The following SND1 variants were observed in gnomAD, a reference collection of about 807,000 sequenced individuals.
The protein encoded by SND1 is staphylococcal nuclease and tudor domain containing 1.
Under a neutral mutation model 121.7 loss-of-function variants are expected in SND1, and 38 were observed. That is an observed-to-expected ratio of 0.31 (90% confidence interval 0.24 to 0.41). SND1 has a LOEUF of 0.41. SND1 is among the 10% of genes least tolerant of loss of function. The probability of loss-of-function intolerance (pLI) is 1.00; values close to 1 mark genes in which losing one functional copy is unlikely to be tolerated. For missense variants in SND1, 868 were observed against 1,184.6 expected (o/e 0.73, Z 3.92); for synonymous variants, 401 against 447.4 (o/e 0.90, Z 1.31).
intron 6 of SND1, 127 bp downstream of exon 6, chr7:127,702,653 C>A: frequency 1.4e-6 from 1 of 725,430 alleles, no homozygotes; most frequent in Non-Finnish European, 2.5e-6. Context: ...TGACTTTATA[C>A]TTGTTTTAGT....
chr7:127,772,042 C>G (rs1797521314), intron 10 of SND1, among the ~76,000 whole-genome samples: 1 of 152,102 alleles, frequency 6.6e-6, no homozygotes, highest in Non-Finnish European at 1.5e-5. Context: ...AGAAAAGACG[C>G]TAATTTAAAT....
chr7:128,028,833 T>C (rs1792481114), intron 16 of SND1: 1 of 1,614,174 alleles, frequency 6.2e-7, no homozygotes, highest in Non-Finnish European at 8.5e-7. Context: ...GTTAATATGG[T>C]CATGAATTGT....
chr7:128,071,162 C>T (rs903819445), intron 16 of SND1, among the ~76,000 whole-genome samples: 2 of 152,158 alleles, frequency 1.3e-5, no homozygotes, highest in African/African-American at 4.8e-5. Context: ...GGAGAAGATA[C>T]ATGTGTTAGA....
chr7:128,024,586 A>T (rs1166987431), intron 16 of SND1, among the ~76,000 whole-genome samples: 5 of 152,156 alleles, frequency 3.3e-5, no homozygotes, highest in South Asian at 4.1e-4. Flanking sequence ...CAACAATAGG[A>T]ATTGTCTTGC....
chr7:127,806,007 T>C (rs1798232064), intron 10 of SND1, among the ~76,000 whole-genome samples: 1 of 152,232 alleles, frequency 6.6e-6, no homozygotes, highest in Non-Finnish European at 1.5e-5. Context: ...TTGGAGCTAC[T>C]TAAATCTAAC....
At chr7:128,090,117 CCAGAAAGACTGCCA>C (rs1297033976) in intron 22 of SND1, among the ~76,000 whole-genome samples, 2 of 152,120 alleles carry the variant, frequency 1.3e-5, no homozygotes, top group African/African-American at 4.8e-5. Context: ...ACCAAAGGGC[CCAGAAAGACTGCCA>C]CACAACCCTC....
chr7:127,864,129 A>G (rs943769605), intron 12 of SND1, among the ~76,000 whole-genome samples: 1 of 151,630 alleles, frequency 6.6e-6, no homozygotes, highest in African/African-American at 2.4e-5. Context: ...GATTAGTTAG[A>G]TATTTAGGAT....
Position 127,799,940 on chromosome 7 carries a change from C to T in SND1, c.1153-7544C>T, listed in dbSNP as rs1798098045. On this transcript the variant is annotated intron_variant, in intron 10 of 23. Coordinates refer to ENST00000354725, the MANE Select transcript of SND1 (RefSeq NM_014390.4). ...TACCTTCTATTCGGCCAGGTGGTCA[C>T]AATTTTAAACCTTCCTCCTGCTGCT... 2.6e-5 allele frequency among the ~76,000 whole-genome samples: 4 copies of T among 152,140 alleles called. No individual in the cohort carries two copies. In the South Asian group the frequency reaches 8.3e-4, roughly 32 times the overall value.
chr7:127,941,568 G>C (rs1801202100), intron 15 of SND1, among the ~76,000 whole-genome samples: 1 of 152,106 alleles, frequency 6.6e-6, no homozygotes, highest in Non-Finnish European at 1.5e-5. Context: ...TTTTTCTAGG[G>C]TTAATTTGGG....
chr7:127,754,467 G>A (rs1797158698), intron 10 of SND1, among the ~76,000 whole-genome samples: 1 of 152,200 alleles, frequency 6.6e-6, no homozygotes, highest in African/African-American at 2.4e-5. Flanking sequence ...GTCCATAATA[G>A]GTAGGCTGTG....
chr7:128,075,682 G>A (rs998357237), intron 17 of SND1, among the ~76,000 whole-genome samples: 7 of 152,196 alleles, frequency 4.6e-5, no homozygotes, highest in African/African-American at 7.2e-5. Context: ...GAGTGGAGGT[G>A]GAAAGACTCC....
intron 12 of SND1, among the ~76,000 whole-genome samples, chr7:127,862,225 A>G (rs1335292519): frequency 6.6e-6 from 1 of 152,154 alleles, no homozygotes; most frequent in Non-Finnish European, 1.5e-5. Flanking sequence ...AACTTTTCTA[A>G]ATCAAATTTA....
chr7:128,009,217 T>C (rs1336484221), intron 16 of SND1, among the ~76,000 whole-genome samples: 3 of 152,138 alleles, frequency 2.0e-5, no homozygotes, highest in African/African-American at 7.2e-5. Flanking sequence ...TATGCAAAGG[T>C]CAGAGTGGCT....
intron 15 of SND1, among the ~76,000 whole-genome samples, chr7:127,938,191 A>G (rs1801102282): frequency 6.6e-6 from 1 of 152,260 alleles, no homozygotes; most frequent in African/African-American, 2.4e-5. Context: ...TAGGAATTAT[A>G]AGAATTATGT....
chr7:128,042,137 A>G (rs1023854872), intron 16 of SND1, among the ~76,000 whole-genome samples: 4 of 152,014 alleles, frequency 2.6e-5, no homozygotes, highest in African/African-American at 9.7e-5. Context: ...AGGCTACTCG[A>G]TTTGTATTCA....
At chr7:127,701,849 T>G (rs1449186206) in intron 5 of SND1, among the ~76,000 whole-genome samples, 1 of 152,208 alleles carries the variant, frequency 6.6e-6, no homozygotes, top group Non-Finnish European at 1.5e-5. Context: ...CAATACCTAT[T>G]ATAGTGCCTA....
At chr7:128,071,519 AC>A (rs1793409045) in intron 16 of SND1, among the ~76,000 whole-genome samples, 1 of 152,248 alleles carries the variant, frequency 6.6e-6, no homozygotes, top group South Asian at 2.1e-4. Context: ...ACAAACATAG[AC>A]CCACATAATG....
intron 12 of SND1, among the ~76,000 whole-genome samples, chr7:127,859,586 T>C (rs1799342204): frequency 6.6e-6 from 1 of 152,198 alleles, no homozygotes; most frequent in Non-Finnish European, 1.5e-5. Context: ...TCTTGGCCCT[T>C]GATTTCTTGA....
intron 16 of SND1, among the ~76,000 whole-genome samples, chr7:128,060,383 G>A (rs984015904): frequency 6.6e-6 from 1 of 152,202 alleles, no homozygotes; most frequent in Non-Finnish European, 1.5e-5. Context: ...AATGAGATTG[G>A]TGACATGGAA....
Sources: allele counts gnomAD v4.1 joint callset (sites outside exome capture counted in the v4.1 genomes callset), GRCh38; gene constraint gnomAD v4.1.1; transcripts MANE v1.5; gene names NCBI Gene and HGNC (gene_info 2026-07-23, HGNC 2026-07-21).